The following LEPR variants were observed in gnomAD, a reference collection of about 807,000 sequenced individuals.
LEPR encodes leptin receptor.
A neutral mutation model predicts 114.7 loss-of-function variants in LEPR; 56 were observed. That is an observed-to-expected ratio of 0.49 (90% CI 0.39 to 0.61). The LOEUF (loss-of-function observed/expected upper bound fraction) is 0.61, where lower values mean the gene tolerates loss of function less well. Among genes scored for constraint, LEPR ranks in the 20% least tolerant of loss-of-function variants. LEPR has a pLI of 0.00. For missense variants in LEPR, 1,202 were observed against 1,352.9 expected, an observed-to-expected ratio of 0.89 and a Z score of 1.75; for synonymous variants, 443 against 461.4, an observed-to-expected ratio of 0.96 and a Z score of 0.51.
chr1:65,534,747 A>T (rs1381192808), intron 2 of LEPR, among the ~76,000 whole-genome samples: 1 of 152,220 alleles, frequency 6.6e-6, no homozygotes, highest in Admixed American at 6.5e-5. Context: ...TTGTGGGGAC[A>T]TATAAATGTT....
intron 2 of LEPR, among the ~76,000 whole-genome samples, chr1:65,533,347 C>T (rs755723071): frequency 6.6e-6 from 1 of 152,052 alleles, no homozygotes; most frequent in African/African-American, 2.4e-5. Flanking sequence ...ACTTGACAAG[C>T]TGATTCTAAG....
chr1:65,527,873 C>G (rs6697315), intron 2 of LEPR, among the ~76,000 whole-genome samples: 6 of 151,862 alleles, frequency 4.0e-5, no homozygotes, highest in Admixed American at 2.6e-4. Context: ...AACAGGGAAT[C>G]GTAGAACTCA....
chr1:65,549,035 C>G (rs543810123), intron 2 of LEPR, among the ~76,000 whole-genome samples: 2,489 of 151,520 alleles, frequency 0.016, 35 homozygotes, highest in Admixed American at 0.026. Flanking sequence ...ATTTGCTTGT[C>G]TGTAAAGTAT....
rs376010598 is a variant in LEPR, at chr1:65,488,218, C to G, written c.-21+62840C>G. Among the ~76,000 whole-genome samples, 5 of 65,536 alleles carry G rather than the reference C, an allele frequency of 7.6e-5. No homozygotes were observed. In the East Asian group the frequency reaches 2.4e-3, roughly 31 times the overall value. 43.0% of individuals were successfully genotyped at this position (65,536 alleles called of 152,430 possible). ...TTTCTTTCTTTCTTTCTTTCTCTCT[C>G]TCTCTCTCTCTTTCTTTCTTTCTTT... On this transcript the variant is annotated intron_variant, in intron 2 of 19. Transcript: ENST00000349533.
chr1:65,630,076 C>T (rs1190283910), intron 19 of LEPR: 1 of 158,352 alleles, frequency 6.3e-6, no homozygotes, highest in Non-Finnish European at 1.4e-5. Flanking sequence ...TTAGAAATAG[C>T]CTTTCCAAGA....
At chr1:65,626,439 C>A in intron 19 of LEPR, 1 of 415,338 alleles carries the variant, frequency 2.4e-6, no homozygotes, top group Non-Finnish European at 3.2e-6. Context: ...GCACAGCTAA[C>A]CCACAAGATG....
At chr1:65,631,876 C>T (rs1658537802) in intron 19 of LEPR, among the ~76,000 whole-genome samples, 1 of 152,084 alleles carries the variant, frequency 6.6e-6, no homozygotes, top group Non-Finnish European at 1.5e-5. Flanking sequence ...GGGTTTTTCC[C>T]TTAAAGATAT....
At chr1:65,580,847 A>G (rs1654934438) in intron 5 of LEPR, among the ~76,000 whole-genome samples, 1 of 152,206 alleles carries the variant, frequency 6.6e-6, no homozygotes, top group Admixed American at 6.5e-5. Flanking sequence ...CAGAGAGTGA[A>G]GAACATTTGC....
chr1:65,456,862 G>C (rs61779779), intron 2 of LEPR, among the ~76,000 whole-genome samples: 44,502 of 151,774 alleles, frequency 0.29, 8,339 homozygotes, highest in Non-Finnish European at 0.42. Flanking sequence ...TTTATTTGTT[G>C]CCCTTGTTCT....
Position 65,636,235 on chromosome 1 carries a change from G to T in LEPR, c.2718G>T (p.Val906=). 6.2e-7 allele frequency: 1 copy of T among 1,613,878 alleles called. No homozygotes were observed. The highest frequency in any genetic ancestry group is 1.1e-5 in the South Asian group (1 of 91,034). ...EHLFIKHTAS[V]TCGPLLLEPE... is the part of the protein sequence containing the mutation. ...TTTTTATCAAGCATACAGCATCAGT[G>T]ACATGTGGTCCTCTTCTTTTGGAGC... Residue 906 remains valine, a synonymous_variant, in exon 20 of 20, where the codon GTG becomes GTT. Coordinates refer to ENST00000349533, the MANE Select transcript of LEPR (RefSeq NM_002303.6).
intron 2 of LEPR, among the ~76,000 whole-genome samples, chr1:65,472,056 A>G (rs1042546646): frequency 9.9e-5 from 15 of 152,162 alleles, no homozygotes; most frequent in African/African-American, 3.4e-4. Flanking sequence ...AGAATTTCCA[A>G]ACTTTAGTAA....
chr1:65,436,240 C>T (rs1471542808), intron 2 of LEPR, among the ~76,000 whole-genome samples: 1 of 152,176 alleles, frequency 6.6e-6, no homozygotes, highest in Admixed American at 6.5e-5. Flanking sequence ...TGACACTCCC[C>T]ATGGTGGACA....
chr1:65,636,358 T>C lies in LEPR; in HGVS notation c.2841T>C (p.Asp947=), dbSNP rs1030397866. The change falls in exon 20 of 20, where the codon GAT becomes GAC. Residue 947 remains aspartate, a synonymous_variant. Transcript: ENST00000349533. Reference sequence around the variant, plus strand: ...TGGTCTCTCTACTTTCAACAACAGATCTTGAAAAGGGTTCTGTTTGTATTA... The same window carrying C: ...TGGTCTCTCTACTTTCAACAACAGACCTTGAAAAGGGTTCTGTTTGTATTA... The part of the protein sequence containing the change: ...TTVVSLLSTT[D]LEKGSVCISD... The C allele has an allele frequency of 6.2e-7, 1 of 1,614,028 alleles. No homozygotes were observed. The highest frequency in any genetic ancestry group is 1.7e-4 in the Middle Eastern group (1 of 6,060).
chr1:65,589,328 C>T (rs940639065), intron 5 of LEPR, among the ~76,000 whole-genome samples: 8 of 152,072 alleles, frequency 5.3e-5, no homozygotes, highest in Admixed American at 1.3e-4. Flanking sequence ...AATCTTTTAT[C>T]AGATAGATAA....
At chr1:65,433,010 A>G in intron 2 of LEPR, 1 of 985,426 alleles carries the variant, frequency 1.0e-6, no homozygotes, top group Non-Finnish European at 1.2e-6. Context: ...GTATCTTTTC[A>G]TCTGAAAGAC....
chr1:65,587,678 A>G (rs988186815), intron 5 of LEPR, among the ~76,000 whole-genome samples: 1 of 152,048 alleles, frequency 6.6e-6, no homozygotes, highest in South Asian at 2.1e-4. Context: ...AATATCCCCT[A>G]TACAGTTCCC....
chr1:65,630,699 T>TGC, intron 19 of LEPR, among the ~76,000 whole-genome samples: 1 of 150,244 alleles, frequency 6.7e-6, no homozygotes, highest in Middle Eastern at 3.4e-3. Flanking sequence ...CTTTGTTTTG[T>TGC]GTGTGTGTGT....
intron 5 of LEPR, among the ~76,000 whole-genome samples, chr1:65,572,921 C>T (rs1187268498): frequency 1.3e-5 from 2 of 152,150 alleles, no homozygotes; most frequent in African/African-American, 2.4e-5. Flanking sequence ...CACAGCTGCA[C>T]GGCTGGCTCT....
intron 2 of LEPR, among the ~76,000 whole-genome samples, chr1:65,430,532 C>G (rs781748340): frequency 1.6e-4 from 24 of 152,166 alleles, no homozygotes; most frequent in Non-Finnish European, 3.4e-4. Context: ...CAAAAACTTT[C>G]TTTTTGTCTT....
Sources: allele counts gnomAD v4.1 joint callset (sites outside exome capture counted in the v4.1 genomes callset), GRCh38; gene constraint gnomAD v4.1.1; transcripts MANE v1.5; gene names NCBI Gene and HGNC (gene_info 2026-07-23, HGNC 2026-07-21).